ALG1: variants seen among roughly 807,000 people sequenced by gnomAD.
ALG1 encodes chitobiosyldiphosphodolichol beta-mannosyltransferase.
ALG1 carries 58 observed loss-of-function variants against 55.1 expected under a neutral mutation model. That is an observed-to-expected ratio of 1.05 (90% confidence interval 0.85 to 1.31). The LOEUF is 1.31. Ranked by LOEUF, ALG1 falls within the 50% of genes most tolerant of loss-of-function variation. The pLI is 0.00. For synonymous variants in ALG1, 309 were observed against 247.0 expected, an observed-to-expected ratio of 1.25 and a Z score of -2.35; for missense variants, 761 against 598.6, an observed-to-expected ratio of 1.27 and a Z score of -2.83.
chr16:5,071,944 C>T lies in ALG1; in HGVS notation c.95C>T (p.Ala32Val), dbSNP rs376723766. ...GWKRWRRGRAARHVVAVVLGD... is the reference protein window; with the variant it reads ...GWKRWRRGRAVRHVVAVVLGD... The stretch of plus-strand genomic sequence containing the variant: ...AAGCGCTGGCGCCGGGGGCGGGCGG[C>T]CCGGCATGTAGTAGCGGTGGTGCTG... The change falls in exon 1 of 13, where the codon GCC (alanine) becomes GTC (valine). Residue 32 changes from alanine (A) to valine (V), a missense_variant. Physicochemically the swap from Ala to Val is moderately conservative, Grantham distance 64 (BLOSUM62 0). Transcript: ENST00000262374. The T allele has an allele frequency of 1.9e-6, 3 of 1,587,530 alleles. No homozygotes were observed. The South Asian group carries it at 3.4e-5, about 18-fold the overall frequency.
At chr16:5,078,660 T>G in intron 6 of ALG1, 97 bp from the exon 7 acceptor site, 1 of 1,609,684 alleles carries the variant, frequency 6.2e-7, no homozygotes. Flanking sequence ...CACCCCAACC[T>G]CTGGGAGCCT....
At chr16:5,080,639 A>T (rs569583880) in intron 9 of ALG1, among the ~76,000 whole-genome samples, 1 of 152,200 alleles carries the variant, frequency 6.6e-6, no homozygotes, top group Admixed American at 6.5e-5. Flanking sequence ...CACAACACAG[A>T]CAAAAGGCTG....
chr16:5,080,975 C>T lies in ALG1; in HGVS notation c.991C>T (p.Arg331Cys), dbSNP rs148933850. The T allele has an allele frequency of 9.8e-5, 156 of 1,596,380 alleles. 1 individual carries two copies. In the African/African-American group the frequency reaches 1.8e-3, roughly 18 times the overall value. The stretch of plus-strand genomic sequence containing the variant: ...AGGGCCTCTGAGGGAGTATTATAGC[C>T]GCCTCATCCACCAGAAGCACTTCCA... ...GKGPLREYYS[R>C]LIHQKHFQHI... is the part of the protein sequence containing the mutation. The change falls in exon 10 of 13, where the codon CGC becomes TGC. Residue 331 changes from arginine (R) to cysteine (C), a missense_variant. By Grantham distance (180) the Arg-to-Cys change is radical (BLOSUM62 -3). Coordinates refer to ENST00000262374, the MANE Select transcript of ALG1 (RefSeq NM_019109.5).
intron 6 of ALG1, chr16:5,078,437 G>A: frequency 1.6e-6 from 1 of 612,402 alleles, no homozygotes; most frequent in Non-Finnish European, 3.0e-6. Flanking sequence ...TACGCACCCT[G>A]AGGTGTGCCC....
intron 9 of ALG1, among the ~76,000 whole-genome samples, chr16:5,080,376 G>T (rs950021499): frequency 2.0e-5 from 3 of 152,140 alleles, no homozygotes; most frequent in Non-Finnish European, 4.4e-5. Context: ...TGTCATTGGT[G>T]CCTTAACCAA....
At position 5,078,566 on chromosome 16, in the gene ALG1, C is replaced by T; in HGVS notation, c.741-191C>T. On this transcript the variant is annotated intron_variant, in intron 6 of 12. Transcript: ENST00000262374. ...GAGTCAGTCTTGTTTGCTGTTGTAACCTTAGCACCCAGCAACAATATTAGA... is the reference window on the plus strand; with the variant it reads ...GAGTCAGTCTTGTTTGCTGTTGTAATCTTAGCACCCAGCAACAATATTAGA... 7.5e-6 allele frequency: 7 copies of T among 939,422 alleles called. No homozygotes were observed. The East Asian group carries it at 1.8e-4, about 25-fold the overall frequency. 58.2% of individuals were successfully genotyped at this position (939,422 alleles called of 1,614,324 possible).
chr16:5,080,855 G>T, intron 9 of ALG1, 91 bp from the exon 10 acceptor site: 2 of 1,517,938 alleles, frequency 1.3e-6, no homozygotes, highest in Non-Finnish European at 1.8e-6. Flanking sequence ...TCTGGGAAAG[G>T]GATCCCTCCT....
chr16:5,080,861 C>T, intron 9 of ALG1, 85 bp from the exon 10 acceptor site: 2 of 1,542,204 alleles, frequency 1.3e-6, no homozygotes, highest in East Asian at 2.2e-5. Flanking sequence ...AAAGGGATCC[C>T]TCCTAGGGGG....
Position 5,078,874 on chromosome 16 carries a change from G to A in ALG1, c.858G>A (p.Trp286Ter). 1 of 1,611,376 alleles carries A rather than the reference G, an allele frequency of 6.2e-7. No homozygotes were observed. Among genetic ancestry groups the A allele is most frequent in the Non-Finnish European group, 8.5e-7 (1 of 1,179,654 alleles). ...RPALLVSSTS[W>*]TEDEDFSILL... Reference sequence around the variant, plus strand: ...CCCTGCTGGTCAGCAGCACGAGCTGGACAGGTCTGCAGGACCCCTGGGGCA... The same window carrying A: ...CCCTGCTGGTCAGCAGCACGAGCTGAACAGGTCTGCAGGACCCCTGGGGCA... The change falls in exon 7 of 13, where the codon TGG becomes TGA. Residue 286 changes from tryptophan to a stop codon, truncating the protein, a stop_gained. Transcript: ENST00000262374. LOFTEE classifies it high-confidence loss of function.
intron 12 of ALG1, chr16:5,084,406 A>G: frequency 4.2e-6 from 2 of 480,340 alleles, no homozygotes; most frequent in Non-Finnish European, 7.6e-6. Context: ...GCAAGGCTGC[A>G]AAGAACACCG....
rs4786597 is a variant in ALG1 at position 5,087,284 on chromosome 16, A to G, written c.*2403A>G. On this transcript the variant is annotated 3_prime_UTR_variant, in exon 13 of 13. Coordinates refer to ENST00000262374, the MANE Select transcript of ALG1 (RefSeq NM_019109.5). The stretch of plus-strand genomic sequence containing the variant: ...GTTTACAGATTTGCGTTGGGCCGCA[A>G]GTTGGACAAGACTGCTATATGTATA... 147,523 of 152,334 alleles carry G rather than the reference A, an allele frequency of 0.97. 71,639 individuals are homozygous for G. Among genetic ancestry groups the G allele is most frequent in the Middle Eastern group, 1 (294 of 294 alleles). 9.4% of individuals were successfully genotyped at this position (152,334 alleles called of 1,614,324 possible).
At chr16:5,084,413 A>G in intron 12 of ALG1, 1 of 495,212 alleles carries the variant, frequency 2.0e-6, no homozygotes, top group Non-Finnish European at 3.7e-6. Flanking sequence ...TGCAAAGAAC[A>G]CCGACACCCC....
At chr16:5,072,671 C>G (rs1596251603) in intron 1 of ALG1, among the ~76,000 whole-genome samples, 1 of 152,138 alleles carries the variant, frequency 6.6e-6, no homozygotes, top group African/African-American at 2.4e-5. Flanking sequence ...GAAAATTCCA[C>G]TATCCAGACA....
At chr16:5,082,413 G>A (rs2142725206) in intron 10 of ALG1, 146 bp from the exon 11 acceptor site, 1 of 810,226 alleles carries the variant, frequency 1.2e-6, no homozygotes, top group Non-Finnish European at 2.1e-6. Flanking sequence ...GTGGCTGCTT[G>A]GCCAGCTTAA....
At chr16:5,072,367 T>C in intron 1 of ALG1, 1 of 835,680 alleles carries the variant, frequency 1.2e-6, no homozygotes. Context: ...CCTGTGCAGC[T>C]ACCCTTGTCA....
chr16:5,085,819 G>C lies in ALG1; in HGVS notation c.*938G>C. The C allele has an allele frequency of 9.5e-7, 1 of 1,054,236 alleles. No individual in the cohort carries two copies. Among genetic ancestry groups the C allele is most frequent in the Admixed American group, 1.7e-5 (1 of 58,826 alleles). 65.3% of individuals were successfully genotyped at this position (1,054,236 alleles called of 1,614,324 possible). A position where few individuals can be genotyped will look rare whatever the true frequency, so the allele number is the denominator to read the frequency against. ...GTGTGGGGCTGCTAGGACAGGCCTG[G>C]CGGGGTAGGGGGGTGTCCAAGTCAG... On this transcript the variant is annotated 3_prime_UTR_variant, in exon 13 of 13. Coordinates refer to ENST00000262374, the MANE Select transcript of ALG1 (RefSeq NM_019109.5).
rs1371671190 is a variant in ALG1 at position 5,085,333 on chromosome 16, A to T, written c.*452A>T. On this transcript the variant is annotated 3_prime_UTR_variant, in exon 13 of 13. Transcript: ENST00000262374. Reference sequence around the variant, plus strand: ...AACTGAGTGTGTCCACGTTGGGGGAACATCATACTTGATACACACGTTTTT... The same window carrying T: ...AACTGAGTGTGTCCACGTTGGGGGATCATCATACTTGATACACACGTTTTT... The T allele has an allele frequency of 4.0e-6, 2 of 501,162 alleles. No individual in the cohort carries two copies. The highest frequency in any genetic ancestry group is 3.9e-5 in the African/African-American group (2 of 51,582). The allele number at this position is 501,162 out of a possible 1,614,324, so 31.0% of individuals were successfully genotyped here. A position where few individuals can be genotyped will look rare whatever the true frequency, so the allele number is the denominator to read the frequency against.
chr16:5,072,978 A>G lies in ALG1; in HGVS notation c.236A>G (p.Gln79Arg), dbSNP rs751297148. 2.5e-6 allele frequency: 4 copies of G among 1,614,236 alleles called. No homozygotes were observed. Among genetic ancestry groups the G allele is most frequent in the Non-Finnish European group, 3.4e-6 (4 of 1,180,036 alleles). The change falls in exon 2 of 13, where the codon CAG becomes CGG. Residue 79 changes from glutamine (Q) to arginine (R), a missense_variant. Physicochemically the swap from Gln to Arg is conservative, Grantham distance 43 (BLOSUM62 1). Transcript: ENST00000262374. ...TCCAAACCCCATGATGAGCTCTTGC[A>G]GAACAACAGAATTCAGATTGTGGGG... ...CNSKPHDELL[Q>R]NNRIQIVGLT...
rs1269704723 is a variant in ALG1, at chr16:5,075,597, G to C, written c.539+61G>C. ...TAAACCACTCAAGGATGAGTGAGAAGAAGGGCCATAGTGGGCCTCCGGAAG... is the reference window on the plus strand; with the variant it reads ...TAAACCACTCAAGGATGAGTGAGAACAAGGGCCATAGTGGGCCTCCGGAAG... On this transcript the variant is annotated intron_variant, in intron 4 of 12. Coordinates refer to ENST00000262374, the MANE Select transcript of ALG1 (RefSeq NM_019109.5). 6.9e-6 allele frequency: 11 copies of C among 1,604,430 alleles called. No individual in the cohort carries two copies. The East Asian group carries it at 8.9e-5, about 13-fold the overall frequency.
Sources: gnomAD v4.1 joint callset for allele counts (sites outside exome capture counted in the v4.1 genomes callset) on GRCh38, gnomAD v4.1.1 for gene constraint, MANE v1.5 for transcripts, NCBI Gene and HGNC (gene_info 2026-07-23, HGNC 2026-07-21) for gene names.